HDC: variants seen among roughly 807,000 people sequenced by gnomAD.
The protein encoded by HDC is histidine decarboxylase.
HDC carries 27 observed loss-of-function variants against 64.4 expected under a neutral mutation model. The ratio of observed to expected loss-of-function variants is 0.42; its 90% confidence interval spans 0.31 to 0.58. The LOEUF is 0.58. Ranked by LOEUF, HDC falls within the 20% of genes least tolerant of loss-of-function variation. HDC has a pLI of 0.16. For missense variants in HDC, 711 were observed against 833.9 expected, an observed-to-expected ratio of 0.85 and a Z score of 1.81; for synonymous variants, 305 against 314.2, an observed-to-expected ratio of 0.97 and a Z score of 0.31.
In HDC at chr15:50,243,020, A is replaced by T; in HGVS notation, c.1243-14T>A. ...ACAATTAGGACCCTGTTTGAAAAATAAAGGAAGTGAAGTCTCCATCGCACC... is the reference window on the plus strand; with the variant it reads ...ACAATTAGGACCCTGTTTGAAAAATTAAGGAAGTGAAGTCTCCATCGCACC... On this transcript the variant is annotated splice_polypyrimidine_tract_variant and intron_variant, in intron 11 of 11. Transcript: ENST00000267845. The T allele has an allele frequency of 6.2e-7, 1 of 1,614,166 alleles. No individual in the cohort carries two copies. The highest frequency in any genetic ancestry group is 8.5e-7 in the Non-Finnish European group (1 of 1,180,026).
chr15:50,246,184 G>A (rs1389060511), intron 10 of HDC, among the ~76,000 whole-genome samples: 1 of 152,154 alleles, frequency 6.6e-6, no homozygotes, highest in Non-Finnish European at 1.5e-5. Flanking sequence ...AGGTTAGAGT[G>A]ACCACCCCAG....
chr15:50,248,534 T>A lies in HDC; in HGVS notation c.1042-191A>T, dbSNP rs1386527837. On this transcript the variant is annotated intron_variant, in intron 9 of 11. Transcript: ENST00000267845. This position sits in a 1 kb window ranked among gnomAD's most constrained non-coding sequence, Gnocchi z 4.3. ...CCCCATCGTGTGACCAAATCACTGA[T>A]GAAGGTGGCCAATAGTCACTTGTCT... is the stretch of plus-strand genomic sequence containing the variant. Among the ~76,000 whole-genome samples, 1 of 152,016 alleles carries A rather than the reference T, an allele frequency of 6.6e-6. No homozygotes were observed. The highest frequency in any genetic ancestry group is 1.5e-5 in the Non-Finnish European group (1 of 68,004).
At chr15:50,253,014 T>G in intron 7 of HDC, 1 of 569,908 alleles carries the variant, frequency 1.8e-6, no homozygotes, top group East Asian at 3.0e-5. Context: ...TTCCACTGGG[T>G]AAAGGGCCAG....
chr15:50,253,120 G>C (rs980870539), intron 7 of HDC: 5 of 412,672 alleles, frequency 1.2e-5, no homozygotes, highest in Non-Finnish European at 2.3e-5. Context: ...AAAAGTTAGA[G>C]GGAAGGTATC....
At position 50,265,711 on chromosome 15, in the gene HDC, C is replaced by T. The variant is rs1221645906; in HGVS notation, c.-88G>A. On this transcript the variant is annotated 5_prime_UTR_variant, in exon 1 of 12. Coordinates refer to ENST00000267845, the MANE Select transcript of HDC (RefSeq NM_002112.4). ...GTGGAGCAGCCCGGCTTCCCTCTTG[C>T]CAGTCCTGCGCACTCCCTGGCAGCC... 4 of 1,270,474 alleles carry T rather than the reference C, an allele frequency of 3.1e-6. No individual in the cohort carries two copies. The highest frequency in any genetic ancestry group is 4.6e-6 in the Non-Finnish European group (4 of 872,142). The allele number at this position is 1,270,474 out of a possible 1,614,324, so 78.7% of individuals were successfully genotyped here. A position where few individuals can be genotyped will look rare whatever the true frequency, so the allele number is the denominator to read the frequency against.
intron 10 of HDC, among the ~76,000 whole-genome samples, chr15:50,245,858 C>A (rs563432249): frequency 1.3e-5 from 2 of 151,910 alleles, no homozygotes; most frequent in African/African-American, 2.4e-5. Flanking sequence ...ATGGCACTAC[C>A]GCACTTCAGC....
chr15:50,251,075 G>A (rs1341851336), intron 9 of HDC, among the ~76,000 whole-genome samples: 5 of 152,212 alleles, frequency 3.3e-5, no homozygotes, highest in African/African-American at 1.2e-4. Flanking sequence ...GCACTTCAGT[G>A]TATTAATTTG....
chr15:50,248,412 G>A lies in HDC; in HGVS notation c.1042-69C>T. 9.1e-7 allele frequency: 1 copy of A among 1,093,400 alleles called. No homozygotes were observed. Among genetic ancestry groups the A allele is most frequent in the Non-Finnish European group, 1.4e-6 (1 of 717,540 alleles). 67.7% of individuals were successfully genotyped at this position (1,093,400 alleles called of 1,614,324 possible). ...GCCCCACTCCCTCGGGCATTTCTGG[G>A]CATTATCTGTTGCCTGCCCAGCCCT... On this transcript the variant is annotated intron_variant, in intron 9 of 11. Coordinates refer to ENST00000267845, the MANE Select transcript of HDC (RefSeq NM_002112.4). The surrounding 1 kb of genome is among the most constrained non-coding windows in gnomAD (Gnocchi z 4.3).
At chr15:50,245,182 G>A (rs1475569433) in intron 10 of HDC, among the ~76,000 whole-genome samples, 1 of 152,244 alleles carries the variant, frequency 6.6e-6, no homozygotes. Flanking sequence ...GTCAAGGGCA[G>A]GCACAGTGCA....
intron 10 of HDC, among the ~76,000 whole-genome samples, chr15:50,247,381 CATA>C (rs1014887152): frequency 6.6e-5 from 10 of 152,080 alleles, no homozygotes; most frequent in South Asian, 6.2e-4. Context: ...ATTATGTAAG[CATA>C]ATAATTATTT....
chr15:50,251,939 G>C (rs561649924), intron 9 of HDC, among the ~76,000 whole-genome samples: 1 of 152,262 alleles, frequency 6.6e-6, no homozygotes, highest in East Asian at 1.9e-4. Flanking sequence ...ATGCTTGGAG[G>C]CTTCCAGAAC....
Position 50,258,491 on chromosome 15 carries a change from C to T in HDC, c.231G>A (p.Met77Ile). The change falls in exon 3 of 12, where the codon ATG becomes ATA. Residue 77 changes from methionine to isoleucine, a missense_variant. Physicochemically the swap from Met to Ile is conservative, Grantham distance 10. This residue lies in a region of HDC where 225 missense variants were observed against 276.2 expected (regional missense o/e 0.81). Coordinates refer to ENST00000267845, the MANE Select transcript of HDC (RefSeq NM_002112.4). ...PGVVHWQSPHMHAYYPALTSW... is the reference protein window; with the variant it reads ...PGVVHWQSPHIHAYYPALTSW... Reference sequence around the variant, plus strand: ...AGGTGAGGGCTGGGTAGTAGGCGTGCATATGGGGGCTCTGCCAATGTACCA... The same window carrying T: ...AGGTGAGGGCTGGGTAGTAGGCGTGTATATGGGGGCTCTGCCAATGTACCA... 6.2e-7 allele frequency: 1 copy of T among 1,613,076 alleles called. No individual in the cohort carries two copies. Among genetic ancestry groups the T allele is most frequent in the African/African-American group, 1.3e-5 (1 of 74,996 alleles).
chr15:50,255,164 T>C (rs2045614409), intron 4 of HDC, among the ~76,000 whole-genome samples: 1 of 152,170 alleles, frequency 6.6e-6, no homozygotes, highest in Non-Finnish European at 1.5e-5. Flanking sequence ...AAGACTCTTT[T>C]CTGTCTATGA....
intron 4 of HDC, 97 bp from the exon 5 acceptor site, chr15:50,254,761 TCTC>T (rs2045608103): frequency 9.4e-7 from 1 of 1,062,630 alleles, no homozygotes. Context: ...TCTCTCTCTC[TCTC>T]TCTCTCTCTC....
In HDC at chr15:50,262,875, C is replaced by A. The variant is rs2045722371; in HGVS notation, c.204+360G>T. On this transcript the variant is annotated intron_variant, in intron 2 of 11. Coordinates refer to ENST00000267845, the MANE Select transcript of HDC (RefSeq NM_002112.4). ...CTACCACCAGCTTCCTCTCCCCTGTCTTACTATACACAGTTGTCCTTTCCC... is the reference window on the plus strand; with the variant it reads ...CTACCACCAGCTTCCTCTCCCCTGTATTACTATACACAGTTGTCCTTTCCC... 2.6e-5 allele frequency among the ~76,000 whole-genome samples: 4 copies of A among 152,224 alleles called. No individual in the cohort carries two copies. The South Asian group carries it at 8.3e-4, about 32-fold the overall frequency.
chr15:50,254,121 C>A lies in HDC; in HGVS notation c.720+9G>T, dbSNP rs1481360490. 1 of 1,614,136 alleles carries A rather than the reference C, an allele frequency of 6.2e-7. No individual in the cohort carries two copies. Among genetic ancestry groups the A allele is most frequent in the Admixed American group, 1.7e-5 (1 of 60,032 alleles). ...ATCATTCTAAGCTTAGGCATATATC[C>A]TGACTTACAAAGACGGGCACCAAGC... On this transcript the variant is annotated intron_variant, in intron 6 of 11. Coordinates refer to ENST00000267845, the MANE Select transcript of HDC (RefSeq NM_002112.4).
At chr15:50,256,529 C>T (rs929247058) in intron 4 of HDC, among the ~76,000 whole-genome samples, 10 of 152,182 alleles carry the variant, frequency 6.6e-5, no homozygotes, top group African/African-American at 2.4e-4. Context: ...GCTGGGTCTA[C>T]AGGCACATGC....
Position 50,242,255 on chromosome 15 carries a change from T to C in HDC, c.*5A>G, listed in dbSNP as rs755797118. ...ATCCTCAGACTCTGGCTGAAGGCCC[T>C]GTGTCTAAACCATGGCCTGCAGAGG... On this transcript the variant is annotated 3_prime_UTR_variant, in exon 12 of 12. Coordinates refer to ENST00000267845, the MANE Select transcript of HDC (RefSeq NM_002112.4). The C allele has an allele frequency of 3.7e-6, 6 of 1,612,954 alleles. No homozygotes were observed. The East Asian group carries it at 1.3e-4, about 36-fold the overall frequency.
chr15:50,249,644 C>A (rs1037754426), intron 9 of HDC, among the ~76,000 whole-genome samples: 1 of 152,204 alleles, frequency 6.6e-6, no homozygotes, highest in Non-Finnish European at 1.5e-5. Flanking sequence ...ATTGCTGTAA[C>A]AAGGAAAGTG....
Sources: gnomAD v4.1 joint callset for allele counts (sites outside exome capture counted in the v4.1 genomes callset) on GRCh38, gnomAD v4.1.1 for gene constraint, gnomAD v4.1.1 regional missense constraint, Gnocchi (gnomAD v3.1) non-coding constraint, MANE v1.5 for transcripts, NCBI Gene and HGNC (gene_info 2026-07-23, HGNC 2026-07-21) for gene names.